Variants in HSP90B1 observed in about 807,000 individuals in gnomAD.
The protein encoded by HSP90B1 is endoplasmin.
Under a neutral mutation model 100.4 loss-of-function variants are expected in HSP90B1, and 27 were observed. That is an observed-to-expected ratio of 0.27 (90% CI 0.20 to 0.37). The LOEUF (loss-of-function observed/expected upper bound fraction) is 0.37. HSP90B1 is among the 10% of genes least tolerant of loss of function. HSP90B1 has a pLI of 1.00. For synonymous variants in HSP90B1, 304 were observed against 330.8 expected (o/e 0.92, Z 0.88); for missense variants, 678 against 960.5 (o/e 0.71, Z 3.89).
At chr12:103,938,563 A>G (rs1593489678) in intron 7 of HSP90B1, 104 bp downstream of exon 7, 2 of 1,287,692 alleles carry the variant, frequency 1.6e-6, no homozygotes, top group African/African-American at 1.5e-5. Context: ...GCTTCAGTTC[A>G]GGTGCTAAGT....
At chr12:103,935,314 T>C (rs1431072860) in intron 5 of HSP90B1, among the ~76,000 whole-genome samples, 1 of 152,214 alleles carries the variant, frequency 6.6e-6, no homozygotes, top group African/African-American at 2.4e-5. Flanking sequence ...TCGTTGCTTA[T>C]AGCACTGTGA....
intron 1 of HSP90B1, 30 bp from the exon 2 acceptor site, chr12:103,931,488 ATGT>A: frequency 6.6e-7 from 1 of 1,510,368 alleles, no homozygotes; most frequent in Non-Finnish European, 9.2e-7. Context: ...GAGAAGTGTG[ATGT>A]TGAAGAGTTT....
Position 103,941,626 on chromosome 12 carries a change from T to C in HSP90B1, c.1231-3T>C. On this transcript the variant is annotated splice_region_variant and splice_polypyrimidine_tract_variant and intron_variant, in intron 9 of 17. Coordinates refer to ENST00000299767, the MANE Select transcript of HSP90B1 (RefSeq NM_003299.3). ...GAAAGTGACTTTTTTTTGGTCTCTT[T>C]AGCTCTATGTGCGCCGTGTATTCAT... 6.2e-7 allele frequency: 1 copy of C among 1,614,176 alleles called. No individual in the cohort carries two copies. Among genetic ancestry groups the C allele is most frequent in the South Asian group, 1.1e-5 (1 of 91,084 alleles).
rs147571111 is a variant in HSP90B1, at chr12:103,935,317, C to G, written c.743+1030C>G. ...CTACAGTAGCTCTCGTTGCTTATAG[C>G]ACTGTGACGTAGACAGGGCAGCTTT... is the stretch of plus-strand genomic sequence containing the variant. On this transcript the variant is annotated intron_variant, in intron 5 of 17. Transcript: ENST00000299767. Among the ~76,000 whole-genome samples, 100 of 152,270 alleles carry G rather than the reference C, an allele frequency of 6.6e-4. 5 individuals carry two copies. The East Asian group carries it at 0.017, about 25-fold the overall frequency.
rs564836800 is a variant in HSP90B1, at chr12:103,944,506, T to A, written c.2027+632T>A. ...TCTTCTTTCACCTGGAGTATGTTTC[T>A]GATATGCTATCTAGTCATCATCCTT... is the stretch of plus-strand genomic sequence containing the variant. On this transcript the variant is annotated intron_variant, in intron 14 of 17. Coordinates refer to ENST00000299767, the MANE Select transcript of HSP90B1 (RefSeq NM_003299.3). 2.0e-5 allele frequency among the ~76,000 whole-genome samples: 3 copies of A among 152,318 alleles called. No homozygotes were observed. In the South Asian group the frequency reaches 6.2e-4, roughly 32 times the overall value.
intron 12 of HSP90B1, 40 bp downstream of exon 12, chr12:103,942,836 G>A (rs1424898789): frequency 2.5e-6 from 4 of 1,605,234 alleles, no homozygotes; most frequent in Non-Finnish European, 3.4e-6. Context: ...ATTCTGGAAG[G>A]TAGCTAGGGA....
At chr12:103,945,961 C>T (rs1184547665) in intron 14 of HSP90B1, among the ~76,000 whole-genome samples, 1 of 152,052 alleles carries the variant, frequency 6.6e-6, no homozygotes, top group East Asian at 1.9e-4. Context: ...CCCTTTTTGT[C>T]CATGGGGTGT....
rs754988765 is a variant in HSP90B1 at position 103,941,448 on chromosome 12, T to G, written c.1131T>G (p.Ala377=). ...DDPMAYIHFT[A]EGEVTFKSIL... ...CCATGGCTTATATTCACTTTACTGCTGAAGGGGAAGTTACCTTCAAATCAA... is the reference window on the plus strand; with the variant it reads ...CCATGGCTTATATTCACTTTACTGCGGAAGGGGAAGTTACCTTCAAATCAA... Residue 377 remains alanine, a synonymous_variant, in exon 9 of 18, where the codon GCT becomes GCG. Coordinates refer to ENST00000299767, the MANE Select transcript of HSP90B1 (RefSeq NM_003299.3). The G allele has an allele frequency of 1.9e-6, 3 of 1,613,114 alleles. No individual in the cohort carries two copies. The South Asian group carries it at 3.3e-5, about 18-fold the overall frequency.
At chr12:103,944,639 C>G (rs560860640) in intron 14 of HSP90B1, among the ~76,000 whole-genome samples, 1 of 151,874 alleles carries the variant, frequency 6.6e-6, no homozygotes, top group African/African-American at 2.4e-5. Flanking sequence ...TCACTGCAAC[C>G]TCCGCCTCCT....
At chr12:103,939,996 C>T (rs1218663862) in intron 8 of HSP90B1, among the ~76,000 whole-genome samples, 1 of 152,186 alleles carries the variant, frequency 6.6e-6, no homozygotes, top group Non-Finnish European at 1.5e-5. Context: ...AGTGAAACTA[C>T]AAAATCAAGA....
rs1355328251 is a variant in HSP90B1, at chr12:103,942,763, A to C, written c.1611A>C (p.Lys537Asn). Residue 537 changes from lysine to asparagine, a missense_variant, in exon 12 of 18, where the codon AAA (lysine) becomes AAC (asparagine). This residue lies in a region of HSP90B1 where 170 missense variants were observed against 236.7 expected (regional missense o/e 0.72). Transcript: ENST00000299767. Reference sequence around the variant, plus strand: ...AAAGAATGAAGGAAAAACAAGACAAAATCTACTTCATGGCTGGGTCCAGCA... The same window carrying C: ...AAAGAATGAAGGAAAAACAAGACAACATCTACTTCATGGCTGGGTCCAGCA... ...YVERMKEKQD[K>N]IYFMAGSSRK... 6.2e-7 allele frequency: 1 copy of C among 1,613,902 alleles called. No homozygotes were observed. Among genetic ancestry groups the C allele is most frequent in the Non-Finnish European group, 8.5e-7 (1 of 1,179,818 alleles).
chr12:103,940,549 C>T (rs1044499616), intron 8 of HSP90B1, among the ~76,000 whole-genome samples: 13 of 152,140 alleles, frequency 8.5e-5, no homozygotes, highest in South Asian at 6.2e-4. Flanking sequence ...TAAATTTCAA[C>T]TCTTAAAACA....
At position 103,943,427 on chromosome 12, in the gene HSP90B1, G is replaced by T; in HGVS notation, c.1890+108G>T. 1 of 1,043,720 alleles carries T rather than the reference G, an allele frequency of 9.6e-7. No individual in the cohort carries two copies. The highest frequency in any genetic ancestry group is 1.4e-6 in the Non-Finnish European group (1 of 725,556). The allele number at this position is 1,043,720 out of a possible 1,614,324, so 64.7% of individuals were successfully genotyped here. A position where few individuals can be genotyped will look rare whatever the true frequency, so the allele number is the denominator to read the frequency against. On this transcript the variant is annotated intron_variant, in intron 13 of 17. Transcript: ENST00000299767. The surrounding 1 kb of genome is among the most constrained non-coding windows in gnomAD (Gnocchi z 5.3). ...TGGTTACTTTGTAACCATTAGAATG[G>T]TAAAAATTTAATTAATGTAATTAAA...
At chr12:103,940,989 G>A (rs1870059195) in intron 8 of HSP90B1, among the ~76,000 whole-genome samples, 1 of 152,112 alleles carries the variant, frequency 6.6e-6, no homozygotes, top group Non-Finnish European at 1.5e-5. Flanking sequence ...CACTCTTAGA[G>A]CTAAGTTCCA....
chr12:103,939,595 A>G lies in HSP90B1; in HGVS notation c.1062A>G (p.Glu354=). Reference sequence around the variant, plus strand: ...CATCAAAAGAAGTAGAAGAAGATGAATACAAAGCTTTCTACAAATCATTTT... The same window carrying G: ...CATCAAAAGAAGTAGAAGAAGATGAGTACAAAGCTTTCTACAAATCATTTT... ...QRPSKEVEED[E]YKAFYKSFSK... The change falls in exon 8 of 18, where the codon GAA becomes GAG. Residue 354 remains glutamate, a synonymous_variant. Transcript: ENST00000299767. The G allele has an allele frequency of 6.4e-7, 1 of 1,553,336 alleles. No individual in the cohort carries two copies. Among genetic ancestry groups the G allele is most frequent in the Non-Finnish European group, 8.8e-7 (1 of 1,140,230 alleles).
chr12:103,934,633 CAT>C (rs1268983608), intron 5 of HSP90B1, among the ~76,000 whole-genome samples: 2 of 152,214 alleles, frequency 1.3e-5, no homozygotes, highest in Non-Finnish European at 1.5e-5. Context: ...GGCATGGAGG[CAT>C]AGCATGCTCA....
intron 7 of HSP90B1, chr12:103,938,866 G>A (rs894607551): frequency 1.3e-5 from 2 of 152,492 alleles, no homozygotes; most frequent in African/African-American, 4.8e-5. Flanking sequence ...TTTGTAAAAT[G>A]TTGGATTTCT....
chr12:103,944,737 G>A (rs1870180386), intron 14 of HSP90B1, among the ~76,000 whole-genome samples: 2 of 152,250 alleles, frequency 1.3e-5, no homozygotes, highest in South Asian at 4.1e-4. Context: ...TGTATTTTTA[G>A]TAGAGACGGT....
rs1489423160 is a variant in HSP90B1 at position 103,932,431 on chromosome 12, T to C, written c.294+13T>C. The C allele has an allele frequency of 1.3e-6, 2 of 1,598,670 alleles. No individual in the cohort carries two copies. The highest frequency in any genetic ancestry group is 1.7e-6 in the Non-Finnish European group (2 of 1,171,692). On this transcript the variant is annotated intron_variant, in intron 3 of 17. Coordinates refer to ENST00000299767, the MANE Select transcript of HSP90B1 (RefSeq NM_003299.3). ...TAAAAATAAAGAGGTAAGCAACATG[T>C]GGTTAGAATATTTTATCTCTGTATG...
Sources: allele counts gnomAD v4.1 joint callset (sites outside exome capture counted in the v4.1 genomes callset), GRCh38; gene constraint gnomAD v4.1.1; regional missense constraint gnomAD v4.1.1; non-coding constraint Gnocchi (gnomAD v3.1); transcripts MANE v1.5; gene names NCBI Gene and HGNC (gene_info 2026-07-23, HGNC 2026-07-21).